Variants in STK32B observed in about 807,000 individuals in gnomAD.
STK32B encodes the protein serine/threonine kinase 32B.
A neutral mutation model predicts 52.6 loss-of-function variants in STK32B; 43 were observed. The ratio of observed to expected loss-of-function variants is 0.82; its 90% CI spans 0.64 to 1.05. The LOEUF (loss-of-function observed/expected upper bound fraction) is 1.05. Ranked by LOEUF, STK32B falls within the 50% of genes least tolerant of loss-of-function variation. The pLI is 0.00. For missense variants in STK32B, 621 were observed against 534.6 expected, an observed-to-expected ratio of 1.16 and a Z score of -1.59; for synonymous variants, 238 against 204.3, an observed-to-expected ratio of 1.17 and a Z score of -1.41.
At chr4:5,339,116 G>C (rs1732903808) in intron 4 of STK32B, among the ~76,000 whole-genome samples, 1 of 152,082 alleles carries the variant, frequency 6.6e-6, no homozygotes, top group Non-Finnish European at 1.5e-5. Context: ...CCAGGTTTTT[G>C]GGCTTTCAGT....
intron 3 of STK32B, among the ~76,000 whole-genome samples, chr4:5,320,652 G>A (rs1731424884): frequency 6.6e-6 from 1 of 152,118 alleles, no homozygotes; most frequent in Admixed American, 6.5e-5. Context: ...TCGCCACAGG[G>A]ATGTGCGTCT....
the STK32B span, among the ~76,000 whole-genome samples, chr4:5,041,676 G>T: frequency 1.3e-5 from 2 of 152,182 alleles, 1 homozygote; most frequent in South Asian, 4.2e-4. Flanking sequence ...AACAATAAAA[G>T]ACTGCTCTTG....
At chr4:5,440,359 T>G (rs1178073481) in intron 6 of STK32B, among the ~76,000 whole-genome samples, 1 of 152,208 alleles carries the variant, frequency 6.6e-6, no homozygotes, top group Admixed American at 6.5e-5. Context: ...TTATTCTCTT[T>G]GAAGCAATTG....
intron 1 of STK32B, among the ~76,000 whole-genome samples, chr4:5,088,901 C>A (rs1227519168): frequency 6.6e-6 from 1 of 150,540 alleles, no homozygotes; most frequent in Non-Finnish European, 1.5e-5. Flanking sequence ...CAAAGAAGAA[C>A]AAACTAAATC....
chr4:5,123,693 T>C (rs1427483888), intron 1 of STK32B, among the ~76,000 whole-genome samples: 2 of 152,168 alleles, frequency 1.3e-5, no homozygotes, highest in Admixed American at 6.5e-5. Context: ...TCCAGTCATA[T>C]TGGATTAGGG....
intron 3 of STK32B, among the ~76,000 whole-genome samples, chr4:5,272,825 T>C (rs1191695180): frequency 1.5e-5 from 2 of 133,850 alleles, no homozygotes; most frequent in Non-Finnish European, 3.2e-5. Flanking sequence ...CCTTACACCT[T>C]ATACAAAAAT....
At chr4:5,179,203 A>T (rs907273321) in intron 3 of STK32B, among the ~76,000 whole-genome samples, 8 of 152,216 alleles carry the variant, frequency 5.3e-5, no homozygotes, top group Non-Finnish European at 1.0e-4. Flanking sequence ...GGAAAATGCC[A>T]GATGCTTATA....
At chr4:5,159,004 C>CT (rs1424287734) in intron 2 of STK32B, among the ~76,000 whole-genome samples, 7 of 152,214 alleles carry the variant, frequency 4.6e-5, no homozygotes, top group Non-Finnish European at 1.0e-4. Context: ...TACCCCATCA[C>CT]TCACCTCTGT....
chr4:5,161,905 A>G (rs779346253), intron 2 of STK32B, among the ~76,000 whole-genome samples: 2 of 151,984 alleles, frequency 1.3e-5, no homozygotes, highest in Middle Eastern at 3.2e-3. Flanking sequence ...GCATCTTTTA[A>G]TGTCACACTG....
In STK32B at chr4:5,166,633, C is replaced by G. The variant is rs150551077; in HGVS notation, c.109-1666C>G. 4.3e-3 allele frequency among the ~76,000 whole-genome samples: 656 copies of G among 151,508 alleles called. 4 individuals carry two copies. Among genetic ancestry groups the G allele is most frequent in the Middle Eastern group, 0.01 (3 of 294 alleles). ...GGGCACCAGGGGTTGCTGGAGCTGCCCAACTCTGGAAGAGGCAGAGGAGGA... is the reference window on the plus strand; with the variant it reads ...GGGCACCAGGGGTTGCTGGAGCTGCGCAACTCTGGAAGAGGCAGAGGAGGA... On this transcript the variant is annotated intron_variant, in intron 2 of 11. Transcript: ENST00000282908.
At position 5,051,811 on chromosome 4, in the gene STK32B, CGCATCCGGCATCCCA is replaced by C. The variant is rs1306623775; in HGVS notation, c.-50_-36del. On this transcript the variant is annotated 5_prime_UTR_variant, in exon 1 of 12. Transcript: ENST00000282908. ...GCATCTCTGCGCGCGTCCCACATCC[CGCATCCGGCATCCCA>C]GCGGCCGGGCATGTAGCAGCGGCAG... 1.3e-6 allele frequency: 2 copies of C among 1,561,586 alleles called. No homozygotes were observed. Among genetic ancestry groups the C allele is most frequent in the African/African-American group, 2.7e-5 (2 of 73,070 alleles).
At chr4:5,304,979 G>A (rs1049125661) in intron 3 of STK32B, among the ~76,000 whole-genome samples, 34 of 152,068 alleles carry the variant, frequency 2.2e-4, no homozygotes, top group African/African-American at 7.9e-4. Context: ...TGTTCATGTA[G>A]TGTATCACAT....
In STK32B at chr4:5,395,804, G is replaced by C. The variant is rs74980738; in HGVS notation, c.435-2403G>C. 2.0e-4 allele frequency among the ~76,000 whole-genome samples: 30 copies of C among 152,380 alleles called. No homozygotes were observed. In the East Asian group the frequency reaches 4.8e-3, roughly 24 times the overall value. ...GCAGGTAGTCAAAAGTGAGACTGGA[G>C]TTGGAACACAGACTGTCTAGATCAT... On this transcript the variant is annotated intron_variant, in intron 4 of 11. Transcript: ENST00000282908. The surrounding 1 kb of genome is among the most constrained non-coding windows in gnomAD (Gnocchi z 4.4).
intron 1 of STK32B, among the ~76,000 whole-genome samples, chr4:5,132,319 C>G (rs1017324707): frequency 1.3e-5 from 2 of 151,944 alleles, no homozygotes; most frequent in Admixed American, 6.6e-5. Flanking sequence ...AACACATGGA[C>G]ATAAAGAGGG....
intron 2 of STK32B, among the ~76,000 whole-genome samples, chr4:5,164,454 C>A (rs1301463470): frequency 6.6e-6 from 1 of 152,210 alleles, no homozygotes; most frequent in African/African-American, 2.4e-5. Context: ...AACTTAATTA[C>A]ATCTGCAAAG....
intron 3 of STK32B, among the ~76,000 whole-genome samples, chr4:5,189,740 TCCAAAATGGCTGTG>T (rs911522951): frequency 6.6e-5 from 10 of 152,146 alleles, no homozygotes. Flanking sequence ...CAATCTGTTT[TCCAAAATGGCTGTG>T]CCATTTTGGA....
chr4:5,154,550 A>G (rs1465274255), intron 2 of STK32B, among the ~76,000 whole-genome samples: 1 of 152,056 alleles, frequency 6.6e-6, no homozygotes, highest in Admixed American at 6.6e-5. Flanking sequence ...CATGGCTAGG[A>G]TTTTACTTGG....
the STK32B span, among the ~76,000 whole-genome samples, chr4:5,040,426 G>A: frequency 5.9e-5 from 8 of 134,788 alleles, no homozygotes; most frequent in African/African-American, 1.2e-4. Context: ...ACGAAGTCTC[G>A]CTGTGTCGCC....
chr4:5,437,053 G>C (rs1714146535), intron 6 of STK32B, among the ~76,000 whole-genome samples: 1 of 152,208 alleles, frequency 6.6e-6, no homozygotes, highest in Non-Finnish European at 1.5e-5. Context: ...GAAGGAAGGA[G>C]GGTGGAAGGG....
Sources: gnomAD v4.1 joint callset for allele counts (sites outside exome capture counted in the v4.1 genomes callset) on GRCh38, gnomAD v4.1.1 for gene constraint, Gnocchi (gnomAD v3.1) non-coding constraint, MANE v1.5 for transcripts, NCBI Gene and HGNC (gene_info 2026-07-23, HGNC 2026-07-21) for gene names.